The following EFEMP1 variants were observed in gnomAD, a reference collection of about 807,000 sequenced individuals.
EFEMP1 encodes EGF-containing fibulin-like extracellular matrix protein 1.
Under a neutral mutation model 65.7 loss-of-function variants are expected in EFEMP1, and 18 were observed. That is an observed-to-expected ratio of 0.27 (90% confidence interval 0.19 to 0.41). The LOEUF is 0.41. EFEMP1 is among the 10% of genes least tolerant of loss of function. The probability of loss-of-function intolerance (pLI) is 1.00; values close to 1 mark genes in which losing one functional copy is unlikely to be tolerated. For synonymous variants in EFEMP1, 237 were observed against 219.7 expected, an observed-to-expected ratio of 1.08 and a Z score of -0.70; for missense variants, 469 against 624.8, an observed-to-expected ratio of 0.75 and a Z score of 2.66.
rs894063070 is a variant in EFEMP1 at position 55,885,798 on chromosome 2, A to G, written c.518-4064T>C. Among the ~76,000 whole-genome samples, 8 of 151,992 alleles carry G rather than the reference A, an allele frequency of 5.3e-5. No individual in the cohort carries two copies. Among genetic ancestry groups the G allele is most frequent in the Admixed American group, 1.3e-4 (2 of 15,248 alleles). On this transcript the variant is annotated intron_variant, in intron 5 of 11. Transcript: ENST00000355426. This position sits in a 1 kb window ranked among gnomAD's most constrained non-coding sequence, Gnocchi z 4.3. Reference sequence around the variant, plus strand: ...AAAGTTAATGGAGACAACTTTGTCCACATCTCTGTGGTGTCCATTAAGTCC... The same window carrying G: ...AAAGTTAATGGAGACAACTTTGTCCGCATCTCTGTGGTGTCCATTAAGTCC...
chr2:55,904,715 C>A lies in EFEMP1; in HGVS notation c.517+12950G>T, dbSNP rs529384310. On this transcript the variant is annotated intron_variant, in intron 5 of 11. Coordinates refer to ENST00000355426, the MANE Select transcript of EFEMP1 (RefSeq NM_001039348.3). ...TTACACTAGCAGTTCCCATCTCCCACACCCTTTTTAGCCCTTTAGACTTAG... is the reference window on the plus strand; with the variant it reads ...TTACACTAGCAGTTCCCATCTCCCAAACCCTTTTTAGCCCTTTAGACTTAG... Among the ~76,000 whole-genome samples the A allele has an allele frequency of 2.0e-5, 3 of 152,338 alleles. No homozygotes were observed. The South Asian group carries it at 6.2e-4, about 32-fold the overall frequency.
rs1233173824 is a variant in EFEMP1, at chr2:55,890,987, T to G, written c.518-9253A>C. Among the ~76,000 whole-genome samples, 121 of 152,056 alleles carry G rather than the reference T, an allele frequency of 8.0e-4. 1 individual carries two copies. Among genetic ancestry groups the G allele is most frequent in the Non-Finnish European group, 7.4e-5 (5 of 67,918 alleles). ...TTTATTTTAGGTTTGGGGGTACATG[T>G]GCAGGTTTGTTATATAGGTAAATTT... On this transcript the variant is annotated intron_variant, in intron 5 of 11. Coordinates refer to ENST00000355426, the MANE Select transcript of EFEMP1 (RefSeq NM_001039348.3).
intron 6 of EFEMP1, among the ~76,000 whole-genome samples, chr2:55,880,706 GTATGTAAA>G (rs1295802250): frequency 6.6e-6 from 1 of 152,216 alleles, no homozygotes; most frequent in East Asian, 1.9e-4. Flanking sequence ...GTAAGAAGGG[GTATGTAAA>G]TAAATGGACA....
At chr2:55,908,060 G>C (rs1670347359) in intron 5 of EFEMP1, among the ~76,000 whole-genome samples, 1 of 152,172 alleles carries the variant, frequency 6.6e-6, no homozygotes. Context: ...GTTCCTGAGA[G>C]CTATGACTTT....
Position 55,919,484 on chromosome 2 carries a change from A to G in EFEMP1, c.82-1217T>C, listed in dbSNP as rs115010519. Reference sequence around the variant, plus strand: ...ACTACTTCTTGAGAAATGTTGCTACAGGCGATAAGAGGCCTCTGAAGAATT... The same window carrying G: ...ACTACTTCTTGAGAAATGTTGCTACGGGCGATAAGAGGCCTCTGAAGAATT... On this transcript the variant is annotated intron_variant, in intron 3 of 11. Coordinates refer to ENST00000355426, the MANE Select transcript of EFEMP1 (RefSeq NM_001039348.3). This position sits in a 1 kb window ranked among gnomAD's most constrained non-coding sequence, Gnocchi z 4.5. 7.9e-3 allele frequency among the ~76,000 whole-genome samples: 1,202 copies of G among 152,340 alleles called. 21 individuals are homozygous for G. Among genetic ancestry groups the G allele is most frequent in the African/African-American group, 0.028 (1,172 of 41,566 alleles).
At chr2:55,876,803 T>C in intron 7 of EFEMP1, 61 bp from the exon 8 acceptor site, 2 of 1,032,404 alleles carry the variant, frequency 1.9e-6, no homozygotes, top group East Asian at 3.4e-5. Flanking sequence ...CACATATATA[T>C]ATAGACTTTA....
At chr2:55,878,937 G>A (rs981808150) in intron 6 of EFEMP1, among the ~76,000 whole-genome samples, 5 of 152,170 alleles carry the variant, frequency 3.3e-5, no homozygotes, top group African/African-American at 7.2e-5. Context: ...GATTTAACTT[G>A]AATACTGAAA....
Position 55,917,893 on chromosome 2 carries a change from C to A in EFEMP1, c.289G>T (p.Ala97Ser). The change falls in exon 5 of 12, where the codon GCA becomes TCA. Residue 97 changes from alanine to serine, a missense_variant. Physicochemically the swap from Ala to Ser is moderately conservative, Grantham distance 99 (BLOSUM62 1). Transcript: ENST00000355426. The surrounding 1 kb of genome is among the most constrained non-coding windows in gnomAD (Gnocchi z 6.3). ...CTGGCAGCTACAACCCCGGTGGTTG[C>A]CCCTGAGGTTCCTTCTGCTGGTTGT... ...ETQPAEGTSG[A>S]TTGVVAASSM... 6.2e-7 allele frequency: 1 copy of A among 1,614,226 alleles called. No homozygotes were observed. Among genetic ancestry groups the A allele is most frequent in the Non-Finnish European group, 8.5e-7 (1 of 1,180,038 alleles).
rs1219605916 is a variant in EFEMP1, at chr2:55,873,343, A to T, written c.1000+1603T>A. On this transcript the variant is annotated intron_variant, in intron 9 of 11. Transcript: ENST00000355426. The surrounding 1 kb of genome is among the most constrained non-coding windows in gnomAD (Gnocchi z 4.6). ...CTGAAGCTGCATATCTTCAATATAT[A>T]ACATTTAGGAATCCCCCACTTACAA... is the stretch of plus-strand genomic sequence containing the variant. Among the ~76,000 whole-genome samples, 2 of 152,068 alleles carry T rather than the reference A, an allele frequency of 1.3e-5. No homozygotes were observed. Among genetic ancestry groups the T allele is most frequent in the African/African-American group, 4.8e-5 (2 of 41,446 alleles).
intron 5 of EFEMP1, among the ~76,000 whole-genome samples, chr2:55,908,603 A>G (rs1670370250): frequency 6.6e-6 from 1 of 152,196 alleles, no homozygotes; most frequent in African/African-American, 2.4e-5. Context: ...CACTGCAAAA[A>G]AACAAGTGAA....
In EFEMP1 at chr2:55,918,381, C is replaced by T. The variant is rs993372883; in HGVS notation, c.82-114G>A. ...TGGCAACAATCCTTGTGCTAAAGTC[C>T]TAGATATATGATGAGATGGGTGGTT... is the stretch of plus-strand genomic sequence containing the variant. On this transcript the variant is annotated intron_variant, in intron 3 of 11. Coordinates refer to ENST00000355426, the MANE Select transcript of EFEMP1 (RefSeq NM_001039348.3). 36 of 1,247,994 alleles carry T rather than the reference C, an allele frequency of 2.9e-5. 1 individual carries two copies. The African/African-American group carries it at 3.8e-4, about 13-fold the overall frequency. The allele number at this position is 1,247,994 out of a possible 1,614,324, so 77.3% of individuals were successfully genotyped here.
rs868281931 is a variant in EFEMP1, at chr2:55,871,228, C to T, written c.1001-105G>A. On this transcript the variant is annotated intron_variant, in intron 9 of 11. Coordinates refer to ENST00000355426, the MANE Select transcript of EFEMP1 (RefSeq NM_001039348.3). The surrounding 1 kb of genome is among the most constrained non-coding windows in gnomAD (Gnocchi z 4.2). ...GTTTGCAAGGAAGGAGGTGTGAGAG[C>T]ATCTGGACTGTGTTCAACCTGCTTT... 64 of 1,522,076 alleles carry T rather than the reference C, an allele frequency of 4.2e-5. No individual in the cohort carries two copies. The highest frequency in any genetic ancestry group is 3.4e-4 in the Middle Eastern group (2 of 5,818). The allele number at this position is 1,522,076 out of a possible 1,614,324, so 94.3% of individuals were successfully genotyped here. A position where few individuals can be genotyped will look rare whatever the true frequency, so the allele number is the denominator to read the frequency against.
rs1669427694 is a variant in EFEMP1 at position 55,886,576 on chromosome 2, T to G, written c.518-4842A>C. Among the ~76,000 whole-genome samples the G allele has an allele frequency of 6.6e-6, 1 of 152,196 alleles. No individual in the cohort carries two copies. Among genetic ancestry groups the G allele is most frequent in the Admixed American group, 6.5e-5 (1 of 15,284 alleles). ...AATGGTCAAGGTAAAGGATTCATGT[T>G]TGTTAGAAGGAAGAGCTTCTTTACC... On this transcript the variant is annotated intron_variant, in intron 5 of 11. Transcript: ENST00000355426. The surrounding 1 kb of genome is among the most constrained non-coding windows in gnomAD (Gnocchi z 4.0).
Position 55,871,512 on chromosome 2 carries a change from A to T in EFEMP1, c.1001-389T>A, listed in dbSNP as rs1419558883. Among the ~76,000 whole-genome samples, 1 of 152,106 alleles carries T rather than the reference A, an allele frequency of 6.6e-6. No homozygotes were observed. The highest frequency in any genetic ancestry group is 1.9e-4 in the East Asian group (1 of 5,188). ...AAATGGAATTAAGTAAGAGATAGAT[A>T]AGTATACTGGGGCATGTGGAGCAGA... On this transcript the variant is annotated intron_variant, in intron 9 of 11. Coordinates refer to ENST00000355426, the MANE Select transcript of EFEMP1 (RefSeq NM_001039348.3). This position sits in a 1 kb window ranked among gnomAD's most constrained non-coding sequence, Gnocchi z 4.2.
chr2:55,875,372 AT>A (rs140924184), intron 8 of EFEMP1, among the ~76,000 whole-genome samples: 6 of 148,896 alleles, frequency 4.0e-5, no homozygotes, highest in Non-Finnish European at 5.9e-5. Context: ...ACACATATAT[AT>A]TTTTTTTGTT....
chr2:55,893,109 T>A (rs957102112), intron 5 of EFEMP1, among the ~76,000 whole-genome samples: 3 of 152,130 alleles, frequency 2.0e-5, no homozygotes, highest in African/African-American at 7.2e-5. Flanking sequence ...GCCAGATAGG[T>A]GTAAGGGGGT....
At chr2:55,912,551 A>G (rs1385655739) in intron 5 of EFEMP1, among the ~76,000 whole-genome samples, 3 of 152,178 alleles carry the variant, frequency 2.0e-5, no homozygotes, top group Non-Finnish European at 2.9e-5. Context: ...TCCTTTTTCA[A>G]AAGAGTAGTT....
intron 6 of EFEMP1, among the ~76,000 whole-genome samples, chr2:55,881,165 C>T (rs1455806984): frequency 6.6e-6 from 1 of 152,176 alleles, no homozygotes; most frequent in Non-Finnish European, 1.5e-5. Flanking sequence ...TAGTGAGACA[C>T]AGGATTTAAG....
chr2:55,904,319 A>C (rs1217031795), intron 5 of EFEMP1, among the ~76,000 whole-genome samples: 1 of 152,206 alleles, frequency 6.6e-6, no homozygotes, highest in African/African-American at 2.4e-5. Context: ...AGCAACACCA[A>C]GTCATGAATT....
Sources: gnomAD v4.1 joint callset for allele counts (sites outside exome capture counted in the v4.1 genomes callset) on GRCh38, gnomAD v4.1.1 for gene constraint, Gnocchi (gnomAD v3.1) non-coding constraint, MANE v1.5 for transcripts, NCBI Gene and HGNC (gene_info 2026-07-23, HGNC 2026-07-21) for gene names.